AK7: variants seen among roughly 807,000 people sequenced by gnomAD.
AK7 encodes ATP-AMP transphosphorylase 7.
In AK7, 78 loss-of-function variants were observed where a neutral mutation model predicts 96.6. The observed-to-expected ratio is 0.81, with a 90% CI of 0.67 to 0.97. AK7 has a LOEUF of 0.97. AK7 is among the 50% of genes least tolerant of loss of function. The pLI, the probability that AK7 is intolerant of heterozygous loss-of-function variation, is 0.00. For synonymous variants in AK7, 302 were observed against 317.2 expected (o/e 0.95, Z 0.51); for missense variants, 855 against 887.9 (o/e 0.96, Z 0.47).
intron 2 of AK7, chr14:96,398,976 C>CT (rs3832934): frequency 0.16 from 23,781 of 147,258 alleles, 2,342 homozygotes; most frequent in East Asian, 0.47. Context: ...GGCCTTCTCT[C>CT]TTTTTTTTTT....
chr14:96,436,913 A>T (rs1197448766), intron 5 of AK7, among the ~76,000 whole-genome samples: 1 of 152,066 alleles, frequency 6.6e-6, no homozygotes, highest in Non-Finnish European at 1.5e-5. Context: ...ACTGGTTGGA[A>T]AAGTTCATCT....
Position 96,449,891 on chromosome 14 carries a change from C to A in AK7, c.948+12C>A. 4 of 1,473,356 alleles carry A rather than the reference C, an allele frequency of 2.7e-6. No individual in the cohort carries two copies. The highest frequency in any genetic ancestry group is 1.9e-5 in the African/African-American group (1 of 53,422). The allele number at this position is 1,473,356 out of a possible 1,614,324, so 91.3% of individuals were successfully genotyped here. On this transcript the variant is annotated intron_variant, in intron 9 of 17. Transcript: ENST00000267584. ...CCAAGGACTTAACGGTTAGTATATG[C>A]GGTGTTTTTTTTTTTTTAACTATCT...
At chr14:96,400,621 T>C (rs1031701679) in intron 2 of AK7, among the ~76,000 whole-genome samples, 1 of 152,130 alleles carries the variant, frequency 6.6e-6, no homozygotes, top group Non-Finnish European at 1.5e-5. Context: ...GCTGCAACAG[T>C]CCAGGGCCTT....
intron 8 of AK7, among the ~76,000 whole-genome samples, chr14:96,449,428 T>A (rs896489783): frequency 6.6e-6 from 1 of 151,862 alleles, no homozygotes; most frequent in African/African-American, 2.4e-5. Flanking sequence ...GGGTGTTTGT[T>A]TGTTTGTTTG....
At chr14:96,465,080 G>A (rs1309743905) in intron 12 of AK7, among the ~76,000 whole-genome samples, 2 of 152,096 alleles carry the variant, frequency 1.3e-5, no homozygotes, top group Non-Finnish European at 2.9e-5. Context: ...ATAATTAAAC[G>A]ACTATTACAC....
chr14:96,463,744 AAAAG>A (rs1164733423), intron 12 of AK7, among the ~76,000 whole-genome samples: 3 of 151,848 alleles, frequency 2.0e-5, no homozygotes, highest in African/African-American at 7.3e-5. Flanking sequence ...AAAAAGGAAA[AAAAG>A]AGAGGAGAGG....
intron 16 of AK7, among the ~76,000 whole-genome samples, chr14:96,486,011 C>T (rs1051063788): frequency 7.9e-5 from 12 of 152,130 alleles, no homozygotes; most frequent in Non-Finnish European, 1.6e-4. Flanking sequence ...GTCTCGATCT[C>T]CTGACCTCGT....
rs1324242309 is a variant in AK7, at chr14:96,427,711, C to T, written c.609+6779C>T. ...TGTCCCTTTGAATAAACTGTCTACA[C>T]CTATCTCTTACTCGACTTCCTCTTT... On this transcript the variant is annotated intron_variant, in intron 5 of 17. Transcript: ENST00000267584. 3.9e-5 allele frequency among the ~76,000 whole-genome samples: 6 copies of T among 152,172 alleles called. No homozygotes were observed. In the East Asian group the frequency reaches 1.2e-3, roughly 29 times the overall value.
intron 4 of AK7, among the ~76,000 whole-genome samples, chr14:96,420,490 C>CT (rs1712172636): frequency 6.6e-6 from 1 of 151,626 alleles, no homozygotes; most frequent in Non-Finnish European, 1.5e-5. Context: ...ATGCTACTAT[C>CT]ATCATCGACA....
At chr14:96,406,383 A>C (rs909948391) in intron 3 of AK7, among the ~76,000 whole-genome samples, 3 of 152,176 alleles carry the variant, frequency 2.0e-5, no homozygotes, top group South Asian at 2.1e-4. Context: ...TTGACACTGC[A>C]TTTCCTTTCA....
At chr14:96,396,809 CTTCT>C (rs1228583594) in intron 1 of AK7, among the ~76,000 whole-genome samples, 2 of 152,236 alleles carry the variant, frequency 1.3e-5, no homozygotes, top group Non-Finnish European at 2.9e-5. Context: ...ACTTCGCCAA[CTTCT>C]TTCTATTTCA....
At chr14:96,400,417 T>G (rs1185411020) in intron 2 of AK7, among the ~76,000 whole-genome samples, 3 of 152,214 alleles carry the variant, frequency 2.0e-5, no homozygotes, top group Non-Finnish European at 4.4e-5. Flanking sequence ...GGGGCTGTGT[T>G]GGACCGCATG....
At chr14:96,417,348 T>A (rs1374790758) in intron 4 of AK7, among the ~76,000 whole-genome samples, 1 of 152,208 alleles carries the variant, frequency 6.6e-6, no homozygotes, top group Non-Finnish European at 1.5e-5. Context: ...TTATCTGAAA[T>A]TCAAATTTAG....
At chr14:96,468,972 G>A (rs1011148654) in intron 12 of AK7, among the ~76,000 whole-genome samples, 13 of 152,084 alleles carry the variant, frequency 8.5e-5, no homozygotes, top group African/African-American at 2.9e-4. Flanking sequence ...ATCTCTAAGA[G>A]ATCACATTTC....
At position 96,456,240 on chromosome 14, in the gene AK7, A is replaced by T. The variant is rs79444358; in HGVS notation, c.1099-107A>T. The T allele has an allele frequency of 2.1e-3, 19 of 8,978 alleles. No homozygotes were observed. The East Asian group carries it at 0.2, about 92-fold the overall frequency. The allele number at this position is 8,978 out of a possible 1,614,324, so 0.6% of individuals were successfully genotyped here. A position where few individuals can be genotyped will look rare whatever the true frequency, so the allele number is the denominator to read the frequency against. ...CAACAGAGTGAGAGACTCTGTCTCA[A>T]AAAAAAAAAAAAAAAAAAAAAGCAC... is the stretch of plus-strand genomic sequence containing the variant. On this transcript the variant is annotated intron_variant, in intron 10 of 17. Transcript: ENST00000267584.
intron 11 of AK7, among the ~76,000 whole-genome samples, chr14:96,457,490 T>C (rs191593418): frequency 8.9e-4 from 135 of 152,362 alleles, no homozygotes; most frequent in South Asian, 1.9e-3. Flanking sequence ...TTGGATGTTC[T>C]TGTTGCCCCC....
At position 96,398,264 on chromosome 14, in the gene AK7, G is replaced by A. The variant is rs1890198033; in HGVS notation, c.294+1G>A. The A allele has an allele frequency of 6.2e-7, 1 of 1,612,498 alleles. No homozygotes were observed. The highest frequency in any genetic ancestry group is 8.5e-7 in the Non-Finnish European group (1 of 1,179,886). ...TGACTTTGCGGTGGAGACGTACTCT[G>A]TAAGTCCCGGAGGCTCTGGCCAGGA... is the stretch of plus-strand genomic sequence containing the variant. On this transcript the variant is annotated splice_donor_variant, in intron 2 of 17. Transcript: ENST00000267584. LOFTEE classifies it high-confidence loss of function.
rs375720574 is a variant in AK7, at chr14:96,471,618, T to C, written c.1486+12T>C. 30 of 1,521,284 alleles carry C rather than the reference T, an allele frequency of 2.0e-5. No homozygotes were observed. The African/African-American group carries it at 4.2e-4, about 21-fold the overall frequency. The allele number at this position is 1,521,284 out of a possible 1,614,324, so 94.2% of individuals were successfully genotyped here. On this transcript the variant is annotated intron_variant, in intron 13 of 17. Transcript: ENST00000267584. ...AGACCTGTTCAATCGTAAGTTTGAG[T>C]GTTCTATTTTGAGTATTTATATTCA...
At chr14:96,418,259 G>C (rs993406286) in intron 4 of AK7, among the ~76,000 whole-genome samples, 1 of 142,092 alleles carries the variant, frequency 7.0e-6, no homozygotes, top group African/African-American at 2.6e-5. Context: ...AGGAGGTTGA[G>C]GCTGCAGTGC....
Sources: gnomAD v4.1 joint callset for allele counts (sites outside exome capture counted in the v4.1 genomes callset) on GRCh38, gnomAD v4.1.1 for gene constraint, MANE v1.5 for transcripts, NCBI Gene and HGNC (gene_info 2026-07-23, HGNC 2026-07-21) for gene names.